PIK3R6: variants seen among roughly 807,000 people sequenced by gnomAD.
The protein encoded by PIK3R6 is phosphoinositide-3-kinase regulatory subunit 6.
A neutral mutation model predicts 84.9 loss-of-function variants in PIK3R6; 91 were observed. That is an observed-to-expected ratio of 1.07 (90% CI 0.90 to 1.28). The LOEUF is 1.28. Ranked by LOEUF, PIK3R6 falls within the 50% of genes most tolerant of loss-of-function variation. PIK3R6 has a pLI of 0.00. For missense variants in PIK3R6, 996 were observed against 985.1 expected (o/e 1.01, Z -0.15); for synonymous variants, 416 against 411.4 (o/e 1.01, Z -0.13).
Position 8,803,127 on chromosome 17 carries a change from G to T in PIK3R6, c.*146C>A. The T allele has an allele frequency of 9.9e-7, 1 of 1,010,524 alleles. No homozygotes were observed. 62.6% of individuals were successfully genotyped at this position (1,010,524 alleles called of 1,614,324 possible). A position where few individuals can be genotyped will look rare whatever the true frequency, so the allele number is the denominator to read the frequency against. ...TTCCTCATCACAGTCCCCAGGGTAG[G>T]CTCCCTGTGCTCCCAGGCACTCGCT... On this transcript the variant is annotated 3_prime_UTR_variant, in exon 20 of 20. Transcript: ENST00000619866. This position sits in a 1 kb window ranked among gnomAD's most constrained non-coding sequence, Gnocchi z 5.0.
chr17:8,840,231 C>A (rs2088627671), intron 2 of PIK3R6, among the ~76,000 whole-genome samples: 1 of 140,490 alleles, frequency 7.1e-6, no homozygotes, highest in South Asian at 2.2e-4. Flanking sequence ...ATATATACAG[C>A]CTACAAATAT....
intron 1 of PIK3R6, among the ~76,000 whole-genome samples, chr17:8,851,023 C>T (rs1481285862): frequency 1.3e-5 from 2 of 152,032 alleles, no homozygotes; most frequent in Non-Finnish European, 2.9e-5. Flanking sequence ...AAAATATCTA[C>T]GTTATTTAAT....
At chr17:8,861,939 G>A (rs1247411085) in intron 1 of PIK3R6, among the ~76,000 whole-genome samples, 1 of 152,230 alleles carries the variant, frequency 6.6e-6, no homozygotes, top group Non-Finnish European at 1.5e-5. Context: ...TTCTAGCCAT[G>A]AAATTGTGAA....
chr17:8,817,501 G>C (rs893501219), intron 18 of PIK3R6, among the ~76,000 whole-genome samples: 3 of 152,066 alleles, frequency 2.0e-5, no homozygotes, highest in African/African-American at 7.3e-5. Context: ...AATTAGCTGG[G>C]CATGGAGGCA....
chr17:8,819,825 C>T (rs763142333), intron 17 of PIK3R6, among the ~76,000 whole-genome samples: 4 of 143,304 alleles, frequency 2.8e-5, no homozygotes, highest in East Asian at 2.0e-4. Flanking sequence ...TACATATATA[C>T]GTATATACAC....
Position 8,864,113 on chromosome 17 carries a change from C to T in PIK3R6, c.-92+3416G>A, listed in dbSNP as rs529435783. ...TTCTTCTGCACCATCTTTTCAAATA[C>T]GTTTGTATAGCAAACAGCCTTGGAA... On this transcript the variant is annotated intron_variant, in intron 1 of 19. Transcript: ENST00000619866. 1.4e-3 allele frequency among the ~76,000 whole-genome samples: 219 copies of T among 152,256 alleles called. 1 individual carries two copies. The highest frequency in any genetic ancestry group is 5.0e-3 in the African/African-American group (209 of 41,546).
chr17:8,857,308 A>G (rs1242384259), intron 1 of PIK3R6, among the ~76,000 whole-genome samples: 1 of 152,208 alleles, frequency 6.6e-6, no homozygotes, highest in East Asian at 1.9e-4. Context: ...TATTTGATGA[A>G]TGAATGAAAG....
chr17:8,819,833 C>T (rs775025231), intron 17 of PIK3R6, among the ~76,000 whole-genome samples: 1 of 143,726 alleles, frequency 7.0e-6, no homozygotes, highest in African/African-American at 2.6e-5. Flanking sequence ...TACGTATATA[C>T]ACACACATAT....
At position 8,807,446 on chromosome 17, in the gene PIK3R6, A is replaced by G. The variant is rs73973216; in HGVS notation, c.1996-3293T>C. ...TCCATAGCTGTGTCCCCAGGGTCCT[A>G]TGGGAGCACAGAGGTGGTACACTTA... On this transcript the variant is annotated intron_variant, in intron 18 of 19. Transcript: ENST00000619866. Among the ~76,000 whole-genome samples the G allele has an allele frequency of 2.0e-5, 3 of 152,286 alleles. No individual in the cohort carries two copies. In the East Asian group the frequency reaches 5.8e-4, roughly 29 times the overall value.
Position 8,837,807 on chromosome 17 carries a change from G to T in PIK3R6, c.254C>A (p.Thr85Asn). 2 of 1,613,422 alleles carry T rather than the reference G, an allele frequency of 1.2e-6. No individual in the cohort carries two copies. Among genetic ancestry groups the T allele is most frequent in the Non-Finnish European group, 1.7e-6 (2 of 1,179,510 alleles). Reference protein sequence around the residue: ...PLLHTVMYVLTKATGITEELY... With the variant: ...PLLHTVMYVLNKATGITEELY... Reference sequence around the variant, plus strand: ...CGACCTCAGTCCCCAGCTCACCTTGGTGAGCACGTACATTACAGTGTGCAG... The same window carrying T: ...CGACCTCAGTCCCCAGCTCACCTTGTTGAGCACGTACATTACAGTGTGCAG... Residue 85 changes from threonine (T) to asparagine (N), a missense_variant, in exon 5 of 20, where the codon ACC (threonine) becomes AAC (asparagine). By Grantham distance (65) the Thr-to-Asn change is moderately conservative. Transcript: ENST00000619866.
intron 17 of PIK3R6, among the ~76,000 whole-genome samples, chr17:8,819,835 C>T (rs933774653): frequency 2.8e-5 from 4 of 145,002 alleles, no homozygotes; most frequent in Non-Finnish European, 6.0e-5. Flanking sequence ...CGTATATACA[C>T]ACACATATAT....
At position 8,849,800 on chromosome 17, in the gene PIK3R6, C is replaced by A. The variant is rs754605142; in HGVS notation, c.-6G>T. On this transcript the variant is annotated 5_prime_UTR_variant, in exon 2 of 20. Transcript: ENST00000619866. Reference sequence around the variant, plus strand: ...CACTGACCTGAGCTCTCCATGGGAGCCTTTGGGTGTAGGAGGAGGAGGATG... The same window carrying A: ...CACTGACCTGAGCTCTCCATGGGAGACTTTGGGTGTAGGAGGAGGAGGATG... 1.2e-5 allele frequency: 20 copies of A among 1,611,890 alleles called. No individual in the cohort carries two copies. The highest frequency in any genetic ancestry group is 1.6e-5 in the Non-Finnish European group (19 of 1,178,878).
intron 18 of PIK3R6, among the ~76,000 whole-genome samples, chr17:8,805,480 G>A (rs1017837212): frequency 7.2e-5 from 11 of 152,044 alleles, no homozygotes; most frequent in Admixed American, 3.3e-4. Context: ...CTATCACCCC[G>A]CTATGCATAG....
rs1567588561 is a variant in PIK3R6 at position 8,829,522 on chromosome 17, ACACACT to A, written c.889+178_889+183del. 1.4e-4 allele frequency among the ~76,000 whole-genome samples: 20 copies of A among 143,232 alleles called. No homozygotes were observed. The South Asian group carries it at 4.0e-3, about 28-fold the overall frequency. The allele number at this position is 143,232 out of a possible 152,430, so 94.0% of individuals were successfully genotyped here. On this transcript the variant is annotated intron_variant, in intron 10 of 19. Coordinates refer to ENST00000619866, the MANE Select transcript of PIK3R6 (RefSeq NM_001010855.4). ...CACTGACACACACTCATGCATACAC[ACACACT>A]GACACACGCATGCACACAGACACAC...
At chr17:8,860,285 GGGGC>G (rs1567616247) in intron 1 of PIK3R6, among the ~76,000 whole-genome samples, 1 of 141,006 alleles carries the variant, frequency 7.1e-6, no homozygotes, top group Non-Finnish European at 1.5e-5. Context: ...TCCGCCTCCT[GGGGC>G]GGGGGGCGGT....
intron 18 of PIK3R6, among the ~76,000 whole-genome samples, chr17:8,805,839 AC>A (rs2087189304): frequency 6.6e-6 from 1 of 151,590 alleles, no homozygotes; most frequent in Non-Finnish European, 1.5e-5. Flanking sequence ...GATCGCTTGA[AC>A]CCAGGAGGCA....
At chr17:8,815,833 T>G (rs1051142421) in intron 18 of PIK3R6, among the ~76,000 whole-genome samples, 9 of 152,182 alleles carry the variant, frequency 5.9e-5, no homozygotes, top group Non-Finnish European at 2.9e-5. Context: ...GCTTGTGCGA[T>G]GAGTGAGGAA....
chr17:8,866,179 C>T (rs571482261), intron 1 of PIK3R6, among the ~76,000 whole-genome samples: 1 of 152,224 alleles, frequency 6.6e-6, no homozygotes, highest in Admixed American at 6.5e-5. Context: ...ACAACAACAC[C>T]TACCTCATAG....
chr17:8,829,474 ACACT>A (rs1343316706), intron 10 of PIK3R6, among the ~76,000 whole-genome samples: 4 of 148,448 alleles, frequency 2.7e-5, no homozygotes, highest in African/African-American at 1.0e-4. Context: ...ACACTGACAC[ACACT>A]CATGCACGCA....
Sources: allele counts gnomAD v4.1 joint callset (sites outside exome capture counted in the v4.1 genomes callset), GRCh38; gene constraint gnomAD v4.1.1; non-coding constraint Gnocchi (gnomAD v3.1); transcripts MANE v1.5; gene names NCBI Gene and HGNC (gene_info 2026-07-23, HGNC 2026-07-21).